The following CACNB2 variants were observed in gnomAD, a reference collection of about 807,000 sequenced individuals.
CACNB2 encodes the protein calcium voltage-gated channel auxiliary subunit beta 2, also known as voltage-dependent L-type calcium channel subunit beta-2.
In CACNB2, 42 loss-of-function variants were observed where a neutral mutation model predicts 73.3. The observed-to-expected ratio is 0.57, with a 90% CI of 0.45 to 0.74. The LOEUF is 0.74. CACNB2 is among the 30% of genes least tolerant of loss of function. CACNB2 has a pLI of 0.00. For synonymous variants in CACNB2, 348 were observed against 310.3 expected, an observed-to-expected ratio of 1.12 and a Z score of -1.28; for missense variants, 940 against 853.0, an observed-to-expected ratio of 1.10 and a Z score of -1.27.
At chr10:18,283,958 A>G (rs1001971483) in intron 2 of CACNB2, among the ~76,000 whole-genome samples, 7 of 152,212 alleles carry the variant, frequency 4.6e-5, no homozygotes, top group African/African-American at 1.7e-4. Flanking sequence ...AGAAGTTTCC[A>G]AAACAGAAAT....
chr10:18,241,964 CTA>C (rs1218560380), intron 2 of CACNB2, among the ~76,000 whole-genome samples: 5 of 151,982 alleles, frequency 3.3e-5, no homozygotes, highest in Admixed American at 6.6e-5. Context: ...ATAACAATAA[CTA>C]TTCAATTACG....
intron 3 of CACNB2, among the ~76,000 whole-genome samples, chr10:18,450,670 T>C (rs1048088421): frequency 6.7e-6 from 1 of 148,996 alleles, no homozygotes; most frequent in African/African-American, 2.5e-5. Context: ...TCACTCAGGC[T>C]GGAGTATGGT....
chr10:18,184,153 A>G (rs900840658), intron 2 of CACNB2, among the ~76,000 whole-genome samples: 3 of 152,130 alleles, frequency 2.0e-5, no homozygotes, highest in Non-Finnish European at 4.4e-5. Context: ...ACTTACCCCA[A>G]TGCCAGACCT....
rs199751426 is a variant in CACNB2, at chr10:18,506,449, A to T, written c.594-22A>T. ...ATGCGAAATAAGTGTCAGATTTAAT[A>T]GAAATTTTTGCTTTACTCCAGTAAA... On this transcript the variant is annotated intron_variant, in intron 5 of 13. Transcript: ENST00000324631. 25 of 1,414,966 alleles carry T rather than the reference A, an allele frequency of 1.8e-5. No individual in the cohort carries two copies. In the African/African-American group the frequency reaches 3.4e-4, roughly 19 times the overall value. The allele number at this position is 1,414,966 out of a possible 1,614,324, so 87.7% of individuals were successfully genotyped here.
At position 18,534,190 on chromosome 10, in the gene CACNB2, C is replaced by G. The variant is rs761975063; in HGVS notation, c.1169C>G (p.Ala390Gly). 6.2e-7 allele frequency: 1 copy of G among 1,613,258 alleles called. No individual in the cohort carries two copies. ...HPAQLSKTSLAPIIVYVKISS... is the reference protein window; with the variant it reads ...HPAQLSKTSLGPIIVYVKISS... ...GCTCAACTCAGTAAAACCTCCTTGG[C>G]CCCTATTATAGTATATGTAAAGATT... is the stretch of plus-strand genomic sequence containing the variant. The change falls in exon 11 of 14, where the codon GCC becomes GGC. Residue 390 changes from alanine to glycine, a missense_variant. Physicochemically the swap from Ala to Gly is moderately conservative, Grantham distance 60. Transcript: ENST00000324631.
chr10:18,155,049 C>T (rs867184972), intron 2 of CACNB2, among the ~76,000 whole-genome samples: 1 of 152,144 alleles, frequency 6.6e-6, no homozygotes, highest in African/African-American at 2.4e-5. Context: ...TTAAAATCAA[C>T]CTTCTTATTG....
At chr10:18,433,567 G>A (rs767601381) in intron 3 of CACNB2, among the ~76,000 whole-genome samples, 2 of 152,100 alleles carry the variant, frequency 1.3e-5, no homozygotes, top group Non-Finnish European at 2.9e-5. Context: ...AATAATCTGT[G>A]CTGGTAATAG....
At chr10:18,387,078 C>A (rs1326741763) in intron 2 of CACNB2, among the ~76,000 whole-genome samples, 2 of 152,182 alleles carry the variant, frequency 1.3e-5, no homozygotes, top group Non-Finnish European at 2.9e-5. Context: ...GCAGATCTAG[C>A]TGAGTCGTCT....
At chr10:18,185,652 T>C (rs2034112951) in intron 2 of CACNB2, among the ~76,000 whole-genome samples, 1 of 152,194 alleles carries the variant, frequency 6.6e-6, no homozygotes, top group African/African-American at 2.4e-5. Flanking sequence ...AAATACATCT[T>C]TTACCTTGAC....
At chr10:18,392,276 G>A (rs187110396) in intron 2 of CACNB2, among the ~76,000 whole-genome samples, 1 of 152,274 alleles carries the variant, frequency 6.6e-6, no homozygotes, top group African/African-American at 2.4e-5. Context: ...AATGGGAAAA[G>A]AGAAAGACCA....
At chr10:18,476,592 C>G (rs1321548948) in intron 3 of CACNB2, among the ~76,000 whole-genome samples, 1 of 152,308 alleles carries the variant, frequency 6.6e-6, no homozygotes, top group Admixed American at 6.5e-5. Context: ...ATGCACACAT[C>G]TGATTGGCTA....
intron 7 of CACNB2, among the ~76,000 whole-genome samples, chr10:18,515,768 A>G (rs2051213700): frequency 6.6e-6 from 1 of 152,216 alleles, no homozygotes; most frequent in Non-Finnish European, 1.5e-5. Context: ...TCTATCATTC[A>G]GAAGCTTAGA....
intron 2 of CACNB2, among the ~76,000 whole-genome samples, chr10:18,194,811 C>T (rs923154154): frequency 1.3e-5 from 2 of 152,180 alleles, no homozygotes; most frequent in Non-Finnish European, 2.9e-5. Flanking sequence ...AACATTCCTA[C>T]AATTATGTTT....
intron 2 of CACNB2, among the ~76,000 whole-genome samples, chr10:18,234,967 C>A (rs893798320): frequency 2.7e-5 from 4 of 150,244 alleles, no homozygotes; most frequent in African/African-American, 9.8e-5. Flanking sequence ...CACGGTGAAA[C>A]CCCGTCTCTA....
intron 2 of CACNB2, among the ~76,000 whole-genome samples, chr10:18,161,648 A>C (rs1297337038): frequency 1.3e-5 from 2 of 150,798 alleles, no homozygotes; most frequent in African/African-American, 2.4e-5. Context: ...TTTTTATAAC[A>C]ACTGCCCCTT....
intron 2 of CACNB2, among the ~76,000 whole-genome samples, chr10:18,332,169 G>A (rs774655221): frequency 6.6e-6 from 1 of 152,124 alleles, no homozygotes; most frequent in Non-Finnish European, 1.5e-5. Flanking sequence ...AAGCAGCAGG[G>A]TGATACAAGC....
intron 2 of CACNB2, among the ~76,000 whole-genome samples, chr10:18,338,580 T>G (rs1048887169): frequency 3.9e-5 from 6 of 152,100 alleles, no homozygotes; most frequent in Admixed American, 6.5e-5. Context: ...TATCCAAAAT[T>G]TTATCCACTT....
intron 3 of CACNB2, among the ~76,000 whole-genome samples, chr10:18,492,752 C>G (rs2049529828): frequency 6.6e-6 from 1 of 151,810 alleles, no homozygotes; most frequent in African/African-American, 2.4e-5. Context: ...TTGACTTTAA[C>G]AGCGAGTTAG....
intron 2 of CACNB2, among the ~76,000 whole-genome samples, chr10:18,171,051 C>T (rs1021358326): frequency 2.8e-4 from 42 of 152,160 alleles, no homozygotes; most frequent in Admixed American, 1.6e-3. Flanking sequence ...GCACACTCTG[C>T]CTACCTGCAG....
Sources: allele counts gnomAD v4.1 joint callset (sites outside exome capture counted in the v4.1 genomes callset), GRCh38; gene constraint gnomAD v4.1.1; transcripts MANE v1.5; gene names NCBI Gene and HGNC (gene_info 2026-07-23, HGNC 2026-07-21).